NEK11: variants seen among roughly 807,000 people sequenced by gnomAD.
NEK11 encodes NIMA related kinase 11, also known as serine/threonine-protein kinase Nek11.
A neutral mutation model predicts 80.7 loss-of-function variants in NEK11; 72 were observed. The ratio of observed to expected loss-of-function variants is 0.89; its 90% CI spans 0.74 to 1.08. The LOEUF (loss-of-function observed/expected upper bound fraction) is 1.08, where lower values mean the gene tolerates loss of function less well. Among genes scored for constraint, NEK11 ranks in the 50% least tolerant of loss-of-function variants. The probability of loss-of-function intolerance (pLI) is 0.00; values close to 1 mark genes in which losing one functional copy is unlikely to be tolerated. For missense variants in NEK11, 764 were observed against 763.6 expected (o/e 1.00, Z -0.01); for synonymous variants, 251 against 260.7 (o/e 0.96, Z 0.36).
chr3:131,260,717 G>C (rs2095902030), intron 16 of NEK11, among the ~76,000 whole-genome samples: 1 of 152,104 alleles, frequency 6.6e-6, no homozygotes, highest in African/African-American at 2.4e-5. Context: ...AGAAATATGA[G>C]CCATGAGGAT....
intron 4 of NEK11, among the ~76,000 whole-genome samples, chr3:131,099,259 C>T (rs975875458): frequency 1.3e-5 from 2 of 152,086 alleles, no homozygotes; most frequent in African/African-American, 4.8e-5. Context: ...TTTTGTTGGC[C>T]TAGTCAGAGA....
At chr3:131,094,494 C>A (rs1167869217) in intron 4 of NEK11, among the ~76,000 whole-genome samples, 1 of 152,134 alleles carries the variant, frequency 6.6e-6, no homozygotes, top group African/African-American at 2.4e-5. Flanking sequence ...CAAGGCAATA[C>A]AGTCAATTCA....
intron 16 of NEK11, among the ~76,000 whole-genome samples, chr3:131,251,447 A>C (rs1477884941): frequency 1.3e-5 from 2 of 152,066 alleles, no homozygotes; most frequent in African/African-American, 4.8e-5. Flanking sequence ...AGACTTTTGG[A>C]CACTTTGATT....
At chr3:131,059,171 T>G (rs993926155) in intron 3 of NEK11, among the ~76,000 whole-genome samples, 5 of 152,086 alleles carry the variant, frequency 3.3e-5, no homozygotes, top group Non-Finnish European at 5.9e-5. Context: ...ATGTTTTAGC[T>G]AATCAAAACT....
intron 14 of NEK11, among the ~76,000 whole-genome samples, chr3:131,206,366 A>C (rs188545573): frequency 6.6e-6 from 1 of 152,352 alleles, no homozygotes; most frequent in East Asian, 1.9e-4. Flanking sequence ...TTTGTTAAGA[A>C]ACTGTTTTTA....
intron 3 of NEK11, among the ~76,000 whole-genome samples, chr3:131,030,174 G>A (rs552903708): frequency 6.2e-4 from 94 of 152,136 alleles, no homozygotes; most frequent in African/African-American, 2.1e-3. Flanking sequence ...AGGAGGTGGA[G>A]GTTGCAGTGA....
intron 3 of NEK11, among the ~76,000 whole-genome samples, chr3:131,045,261 C>G (rs2067213471): frequency 6.6e-6 from 1 of 152,024 alleles, no homozygotes; most frequent in South Asian, 2.1e-4. Context: ...CTATTTGTGC[C>G]CTTTTAGACT....
chr3:131,325,908 C>G (rs1438504314), intron 17 of NEK11: 2 of 152,086 alleles, frequency 1.3e-5, no homozygotes, highest in African/African-American at 4.8e-5. Context: ...TGATTGGATG[C>G]CAGATTGATA....
intron 7 of NEK11, among the ~76,000 whole-genome samples, chr3:131,152,141 T>C (rs956122730): frequency 1.3e-5 from 2 of 152,236 alleles, no homozygotes; most frequent in South Asian, 4.1e-4. Flanking sequence ...GATCTGCTTA[T>C]TCTTTGATAA....
At chr3:131,192,576 A>G (rs2093840299) in intron 14 of NEK11, among the ~76,000 whole-genome samples, 1 of 152,232 alleles carries the variant, frequency 6.6e-6, no homozygotes, top group Non-Finnish European at 1.5e-5. Flanking sequence ...AAAGTATAAC[A>G]TACATACAAT....
chr3:131,039,685 C>T (rs746489476), intron 3 of NEK11, among the ~76,000 whole-genome samples: 1 of 152,094 alleles, frequency 6.6e-6, no homozygotes, highest in Non-Finnish European at 1.5e-5. Flanking sequence ...ATCATCCACC[C>T]TTAAGTAACT....
rs149969002 is a variant in NEK11, at chr3:131,170,803, C to A, written c.1315C>A (p.Pro439Thr). The A allele has an allele frequency of 1.2e-6, 2 of 1,614,028 alleles. No individual in the cohort carries two copies. The highest frequency in any genetic ancestry group is 1.3e-5 in the African/African-American group (1 of 75,024). The change falls in exon 14 of 18, where the codon CCT (proline) becomes ACT (threonine). Residue 439 changes from proline (P) to threonine (T), a missense_variant. Pro to Thr is a conservative substitution (Grantham distance 38). Coordinates refer to ENST00000383366, the MANE Select transcript of NEK11 (RefSeq NM_024800.5). ...ESDEPTLENLPESQPIPSMDL... is the reference protein window; with the variant it reads ...ESDEPTLENLTESQPIPSMDL... ...TGATGAACCAACTTTAGAGAACCTGCCTGAGTCTCAGCCTATTCCTTCCAT... is the reference window on the plus strand; with the variant it reads ...TGATGAACCAACTTTAGAGAACCTGACTGAGTCTCAGCCTATTCCTTCCAT...
rs1252620315 is a variant in NEK11, at chr3:131,318,982, CTATAA to C, written c.1719-30566_1719-30562del. On this transcript the variant is annotated intron_variant, in intron 17 of 17. Coordinates refer to ENST00000383366, the MANE Select transcript of NEK11 (RefSeq NM_024800.5). ...TATTCCAAAAACATCATTAATTTCT[CTATAA>C]TATAATATTGTACTCTTGGGTTTTT... Among the ~76,000 whole-genome samples the C allele has an allele frequency of 7.9e-5, 12 of 151,842 alleles. No individual in the cohort carries two copies. In the East Asian group the frequency reaches 1.9e-3, roughly 24 times the overall value.
At chr3:131,336,134 G>A (rs1161297228) in intron 17 of NEK11, among the ~76,000 whole-genome samples, 3 of 152,010 alleles carry the variant, frequency 2.0e-5, no homozygotes, top group Non-Finnish European at 4.4e-5. Context: ...AGTTCATATG[G>A]AACCAAAAAA....
At chr3:131,338,269 T>TG (rs1237885707) in intron 17 of NEK11, among the ~76,000 whole-genome samples, 1 of 145,720 alleles carries the variant, frequency 6.9e-6, no homozygotes, top group Non-Finnish European at 1.5e-5. Flanking sequence ...CCAGCTGGTT[T>TG]TTTTTTTTTT....
In NEK11 at chr3:131,299,612, G is replaced by T. The variant is rs541674928; in HGVS notation, c.1718+26038G>T. ...CTCAATGTTTAGCTTCCACTTATAAGTGAGAACATACAGCATTTGGTTTTC... is the reference window on the plus strand; with the variant it reads ...CTCAATGTTTAGCTTCCACTTATAATTGAGAACATACAGCATTTGGTTTTC... On this transcript the variant is annotated intron_variant, in intron 17 of 17. Coordinates refer to ENST00000383366, the MANE Select transcript of NEK11 (RefSeq NM_024800.5). Among the ~76,000 whole-genome samples the T allele has an allele frequency of 2.0e-5, 3 of 152,264 alleles. No homozygotes were observed. In the South Asian group the frequency reaches 6.2e-4, roughly 32 times the overall value.
At chr3:131,301,321 CA>C (rs2096658824) in intron 17 of NEK11, among the ~76,000 whole-genome samples, 1 of 152,110 alleles carries the variant, frequency 6.6e-6, no homozygotes, top group South Asian at 2.1e-4. Flanking sequence ...ATATTATCTA[CA>C]AACAGATAGT....
intron 4 of NEK11, among the ~76,000 whole-genome samples, chr3:131,103,324 G>T (rs189203894): frequency 6.6e-6 from 1 of 152,188 alleles, no homozygotes; most frequent in East Asian, 1.9e-4. Flanking sequence ...TGTAAATTGA[G>T]TATAGTTAGT....
chr3:131,143,946 A>G (rs901336368), intron 7 of NEK11, among the ~76,000 whole-genome samples: 1 of 152,144 alleles, frequency 6.6e-6, no homozygotes, highest in Non-Finnish European at 1.5e-5. Flanking sequence ...ATATATCAGG[A>G]TGCTCTTCAA....
Sources: gnomAD v4.1 joint callset for allele counts (sites outside exome capture counted in the v4.1 genomes callset) on GRCh38, gnomAD v4.1.1 for gene constraint, MANE v1.5 for transcripts, NCBI Gene and HGNC (gene_info 2026-07-23, HGNC 2026-07-21) for gene names.